ZFYVE1: variants seen among roughly 807,000 people sequenced by gnomAD.
The protein encoded by ZFYVE1 is zinc finger FYVE domain-containing protein 1.
Under a neutral mutation model 74.4 loss-of-function variants are expected in ZFYVE1, and 30 were observed. The ratio of observed to expected loss-of-function variants is 0.40; its 90% confidence interval spans 0.30 to 0.55. The LOEUF (loss-of-function observed/expected upper bound fraction) is 0.55. ZFYVE1 is among the 20% of genes least tolerant of loss of function. The pLI, the probability that ZFYVE1 is intolerant of heterozygous loss-of-function variation, is 0.42. For missense variants in ZFYVE1, 703 were observed against 1,011.6 expected, an observed-to-expected ratio of 0.69 and a Z score of 4.14; for synonymous variants, 335 against 385.1, an observed-to-expected ratio of 0.87 and a Z score of 1.52.
chr14:72,999,605 C>T (rs1893826327), intron 2 of ZFYVE1, among the ~76,000 whole-genome samples: 1 of 151,692 alleles, frequency 6.6e-6, no homozygotes, highest in East Asian at 1.9e-4. Flanking sequence ...AGACAACTTA[C>T]AGAATGGAAG....
intron 4 of ZFYVE1, among the ~76,000 whole-genome samples, chr14:72,989,410 A>G (rs988167275): frequency 3.9e-5 from 6 of 152,172 alleles, no homozygotes; most frequent in African/African-American, 1.4e-4. Context: ...AAATTTCTAG[A>G]CACTTATGTG....
chr14:73,025,366 G>T (rs1349561437), intron 1 of ZFYVE1, among the ~76,000 whole-genome samples: 1 of 151,726 alleles, frequency 6.6e-6, no homozygotes, highest in Non-Finnish European at 1.5e-5. Context: ...ACCGCACCTG[G>T]CCAGAAATCT....
At chr14:73,018,589 T>C (rs1298495326) in intron 2 of ZFYVE1, among the ~76,000 whole-genome samples, 2 of 152,130 alleles carry the variant, frequency 1.3e-5, no homozygotes, top group Non-Finnish European at 2.9e-5. Context: ...CCCACTTGAA[T>C]AGTAAGCTCT....
chr14:72,994,730 C>T (rs1893705792), intron 3 of ZFYVE1, among the ~76,000 whole-genome samples: 1 of 152,194 alleles, frequency 6.6e-6, no homozygotes, highest in Admixed American at 6.5e-5. Context: ...TTCCTACAGA[C>T]TTAGCAACAT....
chr14:72,993,474 G>A, intron 3 of ZFYVE1, 117 bp from the exon 4 acceptor site: 5 of 884,928 alleles, frequency 5.7e-6, no homozygotes, highest in Non-Finnish European at 8.3e-6. Context: ...AGGCCAAGGT[G>A]GGTGGATCAC....
At chr14:72,986,810 G>A (rs777847985) in intron 4 of ZFYVE1, 40 of 910,686 alleles carry the variant, frequency 4.4e-5, no homozygotes, top group African/African-American at 9.0e-5. Context: ...GATTACAGGC[G>A]TGAGCCACTG....
intron 11 of ZFYVE1, among the ~76,000 whole-genome samples, chr14:72,972,491 A>G (rs1893059206): frequency 6.6e-6 from 1 of 152,190 alleles, no homozygotes; most frequent in Non-Finnish European, 1.5e-5. Context: ...TTCCTACATC[A>G]TCTACTCACT....
At chr14:73,016,241 G>T (rs192238792) in intron 2 of ZFYVE1, among the ~76,000 whole-genome samples, 3 of 152,174 alleles carry the variant, frequency 2.0e-5, no homozygotes, top group Non-Finnish European at 4.4e-5. Flanking sequence ...GGCCGGGCAC[G>T]GTGTTCACGC....
chr14:73,023,889 T>C (rs1894397583), intron 2 of ZFYVE1, 137 bp downstream of exon 2: 4 of 1,248,880 alleles, frequency 3.2e-6, no homozygotes, highest in Non-Finnish European at 4.4e-6. Flanking sequence ...TCTGACTCCA[T>C]GCAACTAAAG....
intron 2 of ZFYVE1, among the ~76,000 whole-genome samples, chr14:73,021,393 C>A (rs1376554350): frequency 2.2e-5 from 3 of 134,376 alleles, no homozygotes; most frequent in Admixed American, 7.7e-5. Context: ...AAATAAATAA[C>A]TGAAGTTGAG....
At chr14:72,999,929 C>A (rs991614543) in intron 2 of ZFYVE1, among the ~76,000 whole-genome samples, 6 of 151,964 alleles carry the variant, frequency 3.9e-5, no homozygotes, top group African/African-American at 1.4e-4. Flanking sequence ...AGTGTGGTGG[C>A]ACATGCCTGT....
intron 5 of ZFYVE1, among the ~76,000 whole-genome samples, chr14:72,981,178 C>T (rs146162687): frequency 2.6e-5 from 4 of 152,296 alleles, no homozygotes; most frequent in East Asian, 1.9e-4. Context: ...GTCCTCAGCT[C>T]GGGCTGCACT....
At position 72,975,076 on chromosome 14, in the gene ZFYVE1, A is replaced by C; in HGVS notation, c.1807-117T>G. On this transcript the variant is annotated intron_variant, in intron 9 of 11. Transcript: ENST00000556143. The surrounding 1 kb of genome is among the most constrained non-coding windows in gnomAD (Gnocchi z 4.1). ...AAACTAAGGCAGGTGGCGTTAGCTC[A>C]ACAAGGACAAGAGCTTTCTAGTAAC... The C allele has an allele frequency of 7.9e-6, 9 of 1,138,194 alleles. No individual in the cohort carries two copies. Among genetic ancestry groups the C allele is most frequent in the South Asian group, 1.6e-5 (1 of 61,074 alleles). 70.5% of individuals were successfully genotyped at this position (1,138,194 alleles called of 1,614,324 possible).
intron 4 of ZFYVE1, 22 bp downstream of exon 4, chr14:72,993,121 C>A (rs1371962725): frequency 2.5e-6 from 4 of 1,572,400 alleles, no homozygotes; most frequent in Admixed American, 1.8e-5. Flanking sequence ...ATGAGAAGCC[C>A]TTGGGGCACA....
intron 5 of ZFYVE1, among the ~76,000 whole-genome samples, chr14:72,980,504 C>A (rs1893291939): frequency 6.6e-6 from 1 of 151,906 alleles, no homozygotes; most frequent in African/African-American, 2.4e-5. Context: ...AGGGTGGTCC[C>A]CATGAACATC....
At chr14:72,988,494 T>C (rs1186472889) in intron 4 of ZFYVE1, among the ~76,000 whole-genome samples, 1 of 151,516 alleles carries the variant, frequency 6.6e-6, no homozygotes, top group African/African-American at 2.4e-5. Flanking sequence ...TTTTTTTAAA[T>C]ATACTAATGG....
At chr14:72,981,013 G>A (rs558847299) in intron 5 of ZFYVE1, among the ~76,000 whole-genome samples, 21 of 152,220 alleles carry the variant, frequency 1.4e-4, no homozygotes, top group African/African-American at 4.6e-4. Context: ...AACAAAGTGC[G>A]GTCCACAAAC....
intron 2 of ZFYVE1, among the ~76,000 whole-genome samples, chr14:73,014,942 T>C (rs2080280111): frequency 6.6e-6 from 1 of 152,032 alleles, no homozygotes; most frequent in African/African-American, 2.4e-5. Context: ...TGGTAAAGAA[T>C]TCCCATACAG....
chr14:72,970,620 T>C lies in ZFYVE1; in HGVS notation c.*262A>G. Reference sequence around the variant, plus strand: ...TATGAGAGAGAGATATACACATATATATTCATTATTTTTAACTGAAATAAA... The same window carrying C: ...TATGAGAGAGAGATATACACATATACATTCATTATTTTTAACTGAAATAAA... On this transcript the variant is annotated 3_prime_UTR_variant, in exon 12 of 12. Transcript: ENST00000556143. 2 of 534,316 alleles carry C rather than the reference T, an allele frequency of 3.7e-6. No individual in the cohort carries two copies. Among genetic ancestry groups the C allele is most frequent in the East Asian group, 3.3e-5 (1 of 30,644 alleles). The allele number at this position is 534,316 out of a possible 1,614,324, so 33.1% of individuals were successfully genotyped here. A position where few individuals can be genotyped will look rare whatever the true frequency, so the allele number is the denominator to read the frequency against.
Sources: gnomAD v4.1 joint callset for allele counts (sites outside exome capture counted in the v4.1 genomes callset) on GRCh38, gnomAD v4.1.1 for gene constraint, Gnocchi (gnomAD v3.1) non-coding constraint, MANE v1.5 for transcripts, NCBI Gene and HGNC (gene_info 2026-07-23, HGNC 2026-07-21) for gene names.